The following NR3C2 variants were observed in gnomAD, a reference collection of about 807,000 sequenced individuals.
NR3C2 encodes nuclear receptor subfamily 3 group C member 2, also known as mineralocorticoid receptor.
Under a neutral mutation model 86.4 loss-of-function variants are expected in NR3C2, and 15 were observed. That is an observed-to-expected ratio of 0.17 (90% CI 0.12 to 0.27). The LOEUF (loss-of-function observed/expected upper bound fraction) is 0.27, where lower values mean the gene tolerates loss of function less well. Ranked by LOEUF, NR3C2 falls within the 10% of genes least tolerant of loss-of-function variation. The pLI is 1.00. For missense variants in NR3C2, 960 were observed against 1,195.6 expected (o/e 0.80, Z 2.91); for synonymous variants, 458 against 450.5 (o/e 1.02, Z -0.21).
chr4:148,143,311 A>T (rs1213247765), intron 6 of NR3C2, among the ~76,000 whole-genome samples: 1 of 152,202 alleles, frequency 6.6e-6, no homozygotes, highest in South Asian at 2.1e-4. Flanking sequence ...CTGAAACGAC[A>T]TATTATTTTA....
At chr4:148,155,690 G>A (rs1283267283) in intron 4 of NR3C2, among the ~76,000 whole-genome samples, 3 of 150,534 alleles carry the variant, frequency 2.0e-5, no homozygotes, top group African/African-American at 7.3e-5. Context: ...TATTGCCCAA[G>A]GTAATTTATA....
chr4:148,381,079 T>A (rs1746958794), intron 2 of NR3C2, among the ~76,000 whole-genome samples: 1 of 151,914 alleles, frequency 6.6e-6, no homozygotes, highest in Non-Finnish European at 1.5e-5. Flanking sequence ...AATACAAAAA[T>A]TAGCCAGGTA....
chr4:148,363,472 C>T (rs771463389), intron 2 of NR3C2, among the ~76,000 whole-genome samples: 16 of 141,020 alleles, frequency 1.1e-4, no homozygotes, highest in South Asian at 2.2e-4. Context: ...CAGCACTACT[C>T]GTAACCATTA....
rs114316550 is a variant in NR3C2 at position 148,303,783 on chromosome 4, A to G, written c.1758-43666T>C. 7.5e-3 allele frequency among the ~76,000 whole-genome samples: 1,145 copies of G among 152,332 alleles called. 17 individuals carry two copies. The highest frequency in any genetic ancestry group is 0.026 in the African/African-American group (1,080 of 41,576). On this transcript the variant is annotated intron_variant, in intron 2 of 8. Transcript: ENST00000358102. ...AAGCCAAGCTTTCCATTTCATGGATAAAGGTCACGCTAGTATCCATGGCAT... is the reference window on the plus strand; with the variant it reads ...AAGCCAAGCTTTCCATTTCATGGATGAAGGTCACGCTAGTATCCATGGCAT...
intron 2 of NR3C2, among the ~76,000 whole-genome samples, chr4:148,321,978 G>C (rs1438651354): frequency 1.3e-5 from 2 of 152,150 alleles, no homozygotes; most frequent in Admixed American, 6.5e-5. Context: ...TAGTCTTGAT[G>C]GTCTTTACAT....
intron 2 of NR3C2, among the ~76,000 whole-genome samples, chr4:148,354,721 C>T (rs947797691): frequency 7.9e-5 from 12 of 151,662 alleles, no homozygotes; most frequent in Admixed American, 3.9e-4. Flanking sequence ...CAATGACATT[C>T]GTATATAAAG....
intron 6 of NR3C2, among the ~76,000 whole-genome samples, chr4:148,147,456 T>C (rs1428738292): frequency 6.6e-6 from 1 of 152,262 alleles, no homozygotes; most frequent in Non-Finnish European, 1.5e-5. Context: ...TTTGGTTCAT[T>C]TTTTCAATAA....
intron 6 of NR3C2, among the ~76,000 whole-genome samples, chr4:148,134,331 C>CT (rs1160179460): frequency 6.6e-6 from 1 of 152,184 alleles, no homozygotes; most frequent in African/African-American, 2.4e-5. Context: ...GAAACATACA[C>CT]TACACATGCA....
rs1474287014 is a variant in NR3C2 at position 148,291,132 on chromosome 4, A to G, written c.1758-31015T>C. Among the ~76,000 whole-genome samples, 3 of 152,112 alleles carry G rather than the reference A, an allele frequency of 2.0e-5. No homozygotes were observed. In the East Asian group the frequency reaches 5.8e-4, roughly 29 times the overall value. On this transcript the variant is annotated intron_variant, in intron 2 of 8. Coordinates refer to ENST00000358102, the MANE Select transcript of NR3C2 (RefSeq NM_000901.5). The stretch of plus-strand genomic sequence containing the variant: ...TATTCTTTATTCCACTTGTTACTTA[A>G]AATGAATGATCCACATTATTTAAAG...
At chr4:148,343,257 G>C (rs1192484869) in intron 2 of NR3C2, among the ~76,000 whole-genome samples, 1 of 152,064 alleles carries the variant, frequency 6.6e-6, no homozygotes, top group Non-Finnish European at 1.5e-5. Flanking sequence ...TCATTCTGCT[G>C]GTCCTTGTTA....
intron 6 of NR3C2, among the ~76,000 whole-genome samples, chr4:148,134,601 C>T (rs1733190738): frequency 6.8e-6 from 1 of 146,148 alleles, no homozygotes; most frequent in Non-Finnish European, 1.5e-5. Context: ...AGGACAACAC[C>T]TTAAAAGTGT....
chr4:148,228,832 T>A (rs535670854), intron 3 of NR3C2, among the ~76,000 whole-genome samples: 1 of 152,168 alleles, frequency 6.6e-6, no homozygotes, highest in African/African-American at 2.4e-5. Flanking sequence ...CAACCCCATA[T>A]AATAAAGGTG....
intron 2 of NR3C2, among the ~76,000 whole-genome samples, chr4:148,333,288 T>C (rs1744317303): frequency 6.6e-6 from 1 of 152,062 alleles, no homozygotes; most frequent in Admixed American, 6.5e-5. Context: ...AAAGAAAACC[T>C]TTCTATGTTA....
intron 3 of NR3C2, chr4:148,207,970 T>C (rs910283132): frequency 2.0e-4 from 30 of 152,218 alleles, no homozygotes; most frequent in African/African-American, 7.0e-4. Context: ...TATCTTATTA[T>C]ACTACACTTA....
At chr4:148,102,715 TCAGA>T (rs1301778448) in intron 8 of NR3C2, among the ~76,000 whole-genome samples, 1 of 152,178 alleles carries the variant, frequency 6.6e-6, no homozygotes, top group Non-Finnish European at 1.5e-5. Flanking sequence ...CTAGAATCTG[TCAGA>T]CAGCACCATT....
At chr4:148,141,042 C>T (rs4835488) in intron 6 of NR3C2, among the ~76,000 whole-genome samples, 77,579 of 152,024 alleles carry the variant, frequency 0.51, 20,139 homozygotes, top group East Asian at 0.71. Flanking sequence ...CTCCAAAACA[C>T]TGTAAGGTCA....
chr4:148,238,315 T>C (rs777598806), intron 3 of NR3C2, among the ~76,000 whole-genome samples: 32 of 152,102 alleles, frequency 2.1e-4, no homozygotes, highest in Non-Finnish European at 2.9e-4. Context: ...CTTAATATCA[T>C]CTGTAAGAAT....
intron 2 of NR3C2, among the ~76,000 whole-genome samples, chr4:148,423,658 T>C (rs996114861): frequency 6.6e-6 from 1 of 152,236 alleles, no homozygotes; most frequent in Non-Finnish European, 1.5e-5. Flanking sequence ...ATTTTTTTGT[T>C]CACCCACATT....
At chr4:148,280,077 C>T (rs1209309537) in intron 2 of NR3C2, among the ~76,000 whole-genome samples, 4 of 152,194 alleles carry the variant, frequency 2.6e-5, no homozygotes, top group East Asian at 3.9e-4. Flanking sequence ...CTTATTTTTA[C>T]CCTAAAATAA....
Sources: allele counts gnomAD v4.1 joint callset (sites outside exome capture counted in the v4.1 genomes callset), GRCh38; gene constraint gnomAD v4.1.1; transcripts MANE v1.5; gene names NCBI Gene and HGNC (gene_info 2026-07-23, HGNC 2026-07-21).